Variants in USH2A observed in about 807,000 individuals in gnomAD.
The protein encoded by USH2A is usherin.
In USH2A, 443 loss-of-function variants were observed where a neutral mutation model predicts 538.9. That is an observed-to-expected ratio of 0.82 (90% CI 0.76 to 0.89). USH2A has a LOEUF of 0.89. Ranked by LOEUF, USH2A falls within the 40% of genes least tolerant of loss-of-function variation. USH2A has a pLI of 0.00. For missense variants in USH2A, 6,633 were observed against 6,324.8 expected (o/e 1.05, Z -1.65); for synonymous variants, 2,413 against 2,273.5 (o/e 1.06, Z -1.75).
At chr1:216,003,911 A>G (rs1048388038) in intron 32 of USH2A, among the ~76,000 whole-genome samples, 3 of 152,170 alleles carry the variant, frequency 2.0e-5, no homozygotes, top group Admixed American at 1.3e-4. Context: ...TGTAATATCA[A>G]GTAAGTGGGG....
chr1:216,366,582 T>C (rs1345145987), intron 3 of USH2A, among the ~76,000 whole-genome samples: 2 of 150,164 alleles, frequency 1.3e-5, no homozygotes, highest in African/African-American at 2.5e-5. Context: ...TTTTTCAATG[T>C]CCCCCCCCAA....
At chr1:216,011,278 C>A (rs1257556387) in intron 32 of USH2A, among the ~76,000 whole-genome samples, 1 of 152,114 alleles carries the variant, frequency 6.6e-6, no homozygotes, top group Non-Finnish European at 1.5e-5. Context: ...TTCCTTTGCA[C>A]CCGTCATCCC....
intron 4 of USH2A, among the ~76,000 whole-genome samples, chr1:216,358,626 T>C (rs1198313875): frequency 6.6e-6 from 1 of 152,070 alleles, no homozygotes; most frequent in African/African-American, 2.4e-5. Context: ...CATCTCTAAT[T>C]AGAGAAAAGA....
intron 11 of USH2A, among the ~76,000 whole-genome samples, chr1:216,265,499 A>C (rs1326833647): frequency 6.6e-6 from 1 of 152,066 alleles, no homozygotes; most frequent in Non-Finnish European, 1.5e-5. Context: ...TACTGGGTAC[A>C]TATATCCAGA....
In USH2A at chr1:216,084,754, T is replaced by A. The variant is rs764080143; in HGVS notation, c.5111A>T (p.Asn1704Ile). The change falls in exon 25 of 72, where the codon AAC becomes ATC. Residue 1704 changes from asparagine (N) to isoleucine (I), a missense_variant. Asn to Ile is a moderately radical substitution (Grantham distance 149). Transcript: ENST00000307340. Reference protein sequence around the residue: ...QSSEEQINVYNSWEGCPASLN... With the variant: ...QSSEEQINVYISWEGCPASLN... ...TGAAGCGGGACATCCCTCCCAGCTG[T>A]TATACACGTTGATTTGTTCTTCAGA... 2.0e-5 allele frequency: 32 copies of A among 1,613,444 alleles called. No homozygotes were observed. The highest frequency in any genetic ancestry group is 2.5e-5 in the Non-Finnish European group (29 of 1,179,692).
intron 56 of USH2A, among the ~76,000 whole-genome samples, chr1:215,760,644 C>G (rs1003181018): frequency 2.0e-5 from 3 of 152,096 alleles, no homozygotes; most frequent in Non-Finnish European, 2.9e-5. Context: ...ATCTATGTAC[C>G]TCCCAATCTT....
chr1:215,723,493 C>A (rs971475825), intron 61 of USH2A, among the ~76,000 whole-genome samples: 1 of 152,174 alleles, frequency 6.6e-6, no homozygotes, highest in Non-Finnish European at 1.5e-5. Flanking sequence ...AGTGATGGCA[C>A]CACAACATGG....
At chr1:216,068,874 T>C (rs2031467154) in intron 30 of USH2A, among the ~76,000 whole-genome samples, 1 of 152,198 alleles carries the variant, frequency 6.6e-6, no homozygotes, top group African/African-American at 2.4e-5. Flanking sequence ...GCAATTAATA[T>C]GTACATTTGG....
intron 1 of USH2A, among the ~76,000 whole-genome samples, chr1:216,422,782 C>A (rs1457366419): frequency 6.6e-6 from 1 of 151,508 alleles, no homozygotes; most frequent in African/African-American, 2.4e-5. Context: ...ACCAGTTATA[C>A]ATAAATATTT....
chr1:215,882,528 T>G (rs899853181), intron 41 of USH2A, among the ~76,000 whole-genome samples: 1 of 152,116 alleles, frequency 6.6e-6, no homozygotes, highest in Non-Finnish European at 1.5e-5. Context: ...AGAGAAAGAG[T>G]ACAAATATAT....
intron 36 of USH2A, 96 bp downstream of exon 36, chr1:215,970,529 T>C: frequency 1.4e-6 from 2 of 1,477,296 alleles, no homozygotes; most frequent in East Asian, 2.3e-5. Flanking sequence ...AAAGGCTAGC[T>C]GTGCAGAGGG....
chr1:216,197,899 A>C (rs2034887578), intron 18 of USH2A, among the ~76,000 whole-genome samples: 1 of 152,148 alleles, frequency 6.6e-6, no homozygotes, highest in South Asian at 2.1e-4. Flanking sequence ...TATTTTGGAA[A>C]GATAAATAAA....
chr1:216,397,248 C>T (rs758744198), intron 3 of USH2A, among the ~76,000 whole-genome samples: 3 of 152,194 alleles, frequency 2.0e-5, no homozygotes, highest in East Asian at 3.8e-4. Flanking sequence ...TGCAAATGCT[C>T]GTGTATAGGT....
intron 14 of USH2A, among the ~76,000 whole-genome samples, chr1:216,219,861 G>A (rs1351942350): frequency 6.6e-6 from 1 of 151,998 alleles, no homozygotes; most frequent in African/African-American, 2.4e-5. Flanking sequence ...GTTCATTATG[G>A]TAAACAAAAC....
chr1:215,827,949 T>C (rs1216589192), intron 47 of USH2A, among the ~76,000 whole-genome samples: 1 of 152,162 alleles, frequency 6.6e-6, no homozygotes, highest in African/African-American at 2.4e-5. Context: ...GTAAAATCAT[T>C]ACTTCAGTTG....
chr1:215,753,361 T>C (rs1485238017), intron 58 of USH2A, among the ~76,000 whole-genome samples: 6 of 151,568 alleles, frequency 4.0e-5, no homozygotes, highest in East Asian at 1.9e-4. Context: ...CACACGCACA[T>C]GTATGTTTAT....
intron 26 of USH2A, among the ~76,000 whole-genome samples, chr1:216,079,812 T>C (rs566771088): frequency 1.3e-4 from 20 of 152,228 alleles, no homozygotes; most frequent in African/African-American, 4.3e-4. Flanking sequence ...TGAGAGTCAT[T>C]AAAATAAGGA....
intron 61 of USH2A, among the ~76,000 whole-genome samples, chr1:215,717,471 T>G (rs1238670285): frequency 6.6e-6 from 1 of 152,174 alleles, no homozygotes; most frequent in Admixed American, 6.6e-5. Flanking sequence ...TCTTCCTAGG[T>G]TCTTGTAACT....
At chr1:215,913,218 G>A (rs1467545006) in intron 38 of USH2A, among the ~76,000 whole-genome samples, 1 of 152,106 alleles carries the variant, frequency 6.6e-6, no homozygotes, top group Non-Finnish European at 1.5e-5. Flanking sequence ...AAACTAGCCA[G>A]AGTCACACCA....
Sources: allele counts gnomAD v4.1 joint callset (sites outside exome capture counted in the v4.1 genomes callset), GRCh38; gene constraint gnomAD v4.1.1; transcripts MANE v1.5; gene names NCBI Gene and HGNC (gene_info 2026-07-23, HGNC 2026-07-21).